PTER: variants seen among roughly 807,000 people sequenced by gnomAD.
PTER encodes the protein N-acetyltaurine hydrolase.
Under a neutral mutation model 29.6 loss-of-function variants are expected in PTER, and 38 were observed. That is an observed-to-expected ratio of 1.28 (90% CI 0.99 to 1.68). PTER has a LOEUF of 1.68. Ranked by LOEUF, PTER falls within the 40% of genes most tolerant of loss-of-function variation. The pLI is 0.00. For synonymous variants in PTER, 172 were observed against 154.5 expected (o/e 1.11, Z -0.84); for missense variants, 482 against 427.8 (o/e 1.13, Z -1.12).
chr10:16,484,397 A>G lies in PTER; in HGVS notation c.13A>G (p.Ser5Gly). ...GGTACCATCAGAAATGTCTTCCTTA[A>G]GTGGAAAAGTCCAAACCGTTTTGGG... is the stretch of plus-strand genomic sequence containing the variant. MSSLSGKVQTVLGLV... is the reference protein window; with the variant it reads MSSLGGKVQTVLGLV... Residue 5 changes from serine to glycine, a missense_variant, in exon 2 of 5, where the codon AGT becomes GGT. Coordinates refer to ENST00000535784, the MANE Select transcript of PTER (RefSeq NM_001261836.2). 6.3e-7 allele frequency: 1 copy of G among 1,583,908 alleles called. No homozygotes were observed. Among genetic ancestry groups the G allele is most frequent in the Non-Finnish European group, 8.5e-7 (1 of 1,170,354 alleles).
At chr10:16,455,641 C>G (rs7896196) in intron 1 of PTER, among the ~76,000 whole-genome samples, 1 of 152,018 alleles carries the variant, frequency 6.6e-6, no homozygotes, top group Non-Finnish European at 1.5e-5. Flanking sequence ...CAGTGAGCCA[C>G]GATCATGCCA....
intron 1 of PTER, among the ~76,000 whole-genome samples, chr10:16,451,227 C>G (rs571939808): frequency 5.1e-4 from 78 of 152,308 alleles, no homozygotes; most frequent in Non-Finnish European, 9.6e-4. Context: ...CTGCTTTACT[C>G]TAGCTGCACT....
rs137887358 is a variant in PTER at position 16,484,489 on chromosome 10, C to A, written c.105C>A (p.Cys35Ter). Reference protein sequence around the residue: ...THEHLAMTFDCCYCPPPPCQE... With the variant: ...THEHLAMTFD ...AACACCTGGCCATGACCTTTGACTG[C>A]TGTTACTGTCCACCTCCCCCGTGCC... The change falls in exon 2 of 5, where the codon TGC becomes TGA. Residue 35 changes from cysteine to a stop codon, truncating the protein, a stop_gained. Coordinates refer to ENST00000535784, the MANE Select transcript of PTER (RefSeq NM_001261836.2). LOFTEE classifies it high-confidence loss of function. 1 of 1,613,880 alleles carries A rather than the reference C, an allele frequency of 6.2e-7. No individual in the cohort carries two copies. The highest frequency in any genetic ancestry group is 1.3e-5 in the African/African-American group (1 of 74,852).
intron 3 of PTER, among the ~76,000 whole-genome samples, chr10:16,498,263 G>C (rs1836188756): frequency 6.6e-6 from 1 of 152,178 alleles, no homozygotes; most frequent in South Asian, 2.1e-4. Context: ...AAAGATTGGA[G>C]TAAGAAAGAA....
At chr10:16,483,021 A>G (rs921123584) in intron 1 of PTER, among the ~76,000 whole-genome samples, 2 of 152,086 alleles carry the variant, frequency 1.3e-5, no homozygotes, top group African/African-American at 4.8e-5. Context: ...GCCTTATGTG[A>G]TCTTCCCACC....
chr10:16,474,042 G>A (rs528819992), intron 1 of PTER, among the ~76,000 whole-genome samples: 8 of 151,920 alleles, frequency 5.3e-5, no homozygotes, highest in East Asian at 3.9e-4. Context: ...ACAGTGAAAC[G>A]TCATCTCTAC....
At chr10:16,470,776 CA>C (rs202192145) in intron 1 of PTER, among the ~76,000 whole-genome samples, 38 of 151,568 alleles carry the variant, frequency 2.5e-4, no homozygotes, top group African/African-American at 8.9e-4. Flanking sequence ...TCAAAAAAAA[CA>C]AAAAAAATTC....
chr10:16,461,260 TGG>T (rs1340707610), intron 1 of PTER, among the ~76,000 whole-genome samples: 7 of 151,984 alleles, frequency 4.6e-5, no homozygotes. Flanking sequence ...CTTATTTTTA[TGG>T]GGAAAATATA....
downstream of PTER, among the ~76,000 whole-genome samples, chr10:16,518,306 C>T (rs1836984581): frequency 6.6e-6 from 1 of 152,016 alleles, no homozygotes; most frequent in Admixed American, 6.5e-5. Flanking sequence ...CAAAATAGTC[C>T]ACACTGAACT....
At chr10:16,515,765 T>A (rs947608438), downstream of PTER, among the ~76,000 whole-genome samples, 1 of 152,208 alleles carries the variant, frequency 6.6e-6, no homozygotes, top group Admixed American at 6.5e-5. Flanking sequence ...TAGATTTGAT[T>A]TATTTCAGTA....
intron 4 of PTER, among the ~76,000 whole-genome samples, chr10:16,508,843 C>G (rs987726696): frequency 6.6e-6 from 1 of 152,178 alleles, no homozygotes; most frequent in African/African-American, 2.4e-5. Flanking sequence ...CCAGTACCCA[C>G]TGTCTTGCAC....
chr10:16,465,960 C>T (rs1201705710), intron 1 of PTER, among the ~76,000 whole-genome samples: 1 of 152,150 alleles, frequency 6.6e-6, no homozygotes, highest in Non-Finnish European at 1.5e-5. Context: ...GGAAAACTGT[C>T]GCCATGCTCT....
intron 3 of PTER, among the ~76,000 whole-genome samples, chr10:16,502,649 C>T (rs112890955): frequency 1.8e-4 from 27 of 152,092 alleles, no homozygotes; most frequent in Non-Finnish European, 2.6e-4. Context: ...AGAAACTTCC[C>T]GCACCCGTGG....
intron 3 of PTER, among the ~76,000 whole-genome samples, chr10:16,496,995 C>T (rs549915219): frequency 7.4e-5 from 11 of 147,994 alleles, no homozygotes; most frequent in Non-Finnish European, 1.2e-4. Flanking sequence ...AATGCAGTTG[C>T]GCGATCTCGG....
At chr10:16,455,414 G>A (rs1834359759) in intron 1 of PTER, among the ~76,000 whole-genome samples, 1 of 152,072 alleles carries the variant, frequency 6.6e-6, no homozygotes, top group Admixed American at 6.5e-5. Context: ...CAAATTAACA[G>A]GTGCAGTGAC....
chr10:16,461,714 C>T (rs552348005), intron 1 of PTER, among the ~76,000 whole-genome samples: 1 of 152,264 alleles, frequency 6.6e-6, no homozygotes, highest in Admixed American at 6.5e-5. Flanking sequence ...AGCAATTTTT[C>T]TCAAACTTGG....
chr10:16,494,860 C>T (rs1350455463), intron 3 of PTER, among the ~76,000 whole-genome samples: 1 of 152,054 alleles, frequency 6.6e-6, no homozygotes, highest in Non-Finnish European at 1.5e-5. Flanking sequence ...TGCAGTGGAG[C>T]TGTCATTAGC....
downstream of PTER, among the ~76,000 whole-genome samples, chr10:16,517,537 G>T (rs1836970322): frequency 6.6e-6 from 1 of 152,122 alleles, no homozygotes. Flanking sequence ...CTGCTAAAAG[G>T]ATTATCAACA....
intron 1 of PTER, among the ~76,000 whole-genome samples, chr10:16,438,752 CCT>C (rs1833746196): frequency 6.6e-6 from 1 of 151,278 alleles, no homozygotes; most frequent in African/African-American, 2.4e-5. Flanking sequence ...ACATGTGAAA[CCT>C]CTTTTCTTCA....
Sources: allele counts gnomAD v4.1 joint callset (sites outside exome capture counted in the v4.1 genomes callset), GRCh38; gene constraint gnomAD v4.1.1; transcripts MANE v1.5; gene names NCBI Gene and HGNC (gene_info 2026-07-23, HGNC 2026-07-21).